Variants in AKT3 observed in about 807,000 individuals in gnomAD.
The protein encoded by AKT3 is RAC-gamma serine/threonine-protein kinase.
A neutral mutation model predicts 65.3 loss-of-function variants in AKT3; 15 were observed. The observed-to-expected ratio is 0.23, with a 90% CI of 0.15 to 0.35. AKT3 has a LOEUF of 0.35. Ranked by LOEUF, AKT3 falls within the 10% of genes least tolerant of loss-of-function variation. AKT3 has a pLI of 1.00. For synonymous variants in AKT3, 206 were observed against 183.8 expected, an observed-to-expected ratio of 1.12 and a Z score of -0.98; for missense variants, 243 against 576.5, an observed-to-expected ratio of 0.42 and a Z score of 5.92.
At chr1:243,812,779 A>G (rs1054440816) in intron 2 of AKT3, among the ~76,000 whole-genome samples, 3 of 152,168 alleles carry the variant, frequency 2.0e-5, no homozygotes, top group Non-Finnish European at 4.4e-5. Context: ...CCAAATGTCC[A>G]ACAATGATAG....
At chr1:243,642,381 C>T (rs531132195) in intron 5 of AKT3, among the ~76,000 whole-genome samples, 2 of 152,362 alleles carry the variant, frequency 1.3e-5, no homozygotes, top group South Asian at 4.1e-4. Context: ...ACGATCTCGG[C>T]TCACTGCAAG....
At chr1:243,700,093 G>T (rs1333665702) in intron 2 of AKT3, among the ~76,000 whole-genome samples, 2 of 152,070 alleles carry the variant, frequency 1.3e-5, no homozygotes, top group Non-Finnish European at 2.9e-5. Flanking sequence ...TTATTAATTT[G>T]TGACAGCAGT....
chr1:243,633,783 C>T (rs1362756332), intron 6 of AKT3, among the ~76,000 whole-genome samples: 2 of 152,038 alleles, frequency 1.3e-5, no homozygotes, highest in Admixed American at 1.3e-4. Context: ...CAGTCCTTAT[C>T]ACGACTCACT....
intron 6 of AKT3, among the ~76,000 whole-genome samples, chr1:243,636,422 AACCT>A (rs1679976471): frequency 6.6e-6 from 1 of 152,042 alleles, no homozygotes; most frequent in Admixed American, 6.6e-5. Context: ...TAAGCAGCAA[AACCT>A]ACCTGACATT....
intron 2 of AKT3, among the ~76,000 whole-genome samples, chr1:243,780,333 A>AT (rs1032464030): frequency 6.6e-6 from 1 of 152,170 alleles, no homozygotes; most frequent in East Asian, 1.9e-4. Context: ...ATTCAAGATT[A>AT]TTTTTTGTAG....
At chr1:243,607,515 C>A (rs1329632989) in intron 8 of AKT3, among the ~76,000 whole-genome samples, 2 of 152,222 alleles carry the variant, frequency 1.3e-5, no homozygotes, top group East Asian at 3.8e-4. Flanking sequence ...TGTATTTACC[C>A]AATGCCTGTA....
intron 2 of AKT3, among the ~76,000 whole-genome samples, chr1:243,706,238 G>C (rs985844360): frequency 1.3e-5 from 2 of 152,134 alleles, no homozygotes; most frequent in Non-Finnish European, 2.9e-5. Context: ...TGTCAGAAAA[G>C]CTCTCTCAAA....
In AKT3 at chr1:243,850,167, T is replaced by C. The variant is rs1170686683; in HGVS notation, c.-240A>G. 1.4e-4 allele frequency: 22 copies of C among 154,514 alleles called. No homozygotes were observed. In the South Asian group the frequency reaches 3.5e-3, roughly 24 times the overall value. The allele number at this position is 154,514 out of a possible 1,614,324, so 9.6% of individuals were successfully genotyped here. A position where few individuals can be genotyped will look rare whatever the true frequency, so the allele number is the denominator to read the frequency against. ...TCCCCCCTCCCTCCTCCTCCCCTCCTGTCCTCCCCCCACCCCACAGAGCCT... is the reference window on the plus strand; with the variant it reads ...TCCCCCCTCCCTCCTCCTCCCCTCCCGTCCTCCCCCCACCCCACAGAGCCT... On this transcript the variant is annotated 5_prime_UTR_variant, in exon 1 of 14. Coordinates refer to ENST00000673466, the MANE Select transcript of AKT3 (RefSeq NM_005465.7).
chr1:243,666,633 T>G (rs893156413), intron 3 of AKT3, among the ~76,000 whole-genome samples: 6 of 152,210 alleles, frequency 3.9e-5, no homozygotes, highest in Admixed American at 3.9e-4. Flanking sequence ...CTGGTACTAT[T>G]TGTCATTACA....
chr1:243,815,797 T>TGTTGTTGTTGTTGTTGTTGTA (rs973526143), intron 2 of AKT3, among the ~76,000 whole-genome samples: 63 of 151,610 alleles, frequency 4.2e-4, no homozygotes, highest in Non-Finnish European at 7.2e-4. Context: ...TTGTTGTTGT[T>TGTTGTTGTTGTTGTTGTTGTA]GTAGAGATGA....
chr1:243,501,286 T>TAAG lies in AKT3; in HGVS notation c.*3960_*3962dup, dbSNP rs1163373060. 1 of 233,150 alleles carries TAAG rather than the reference T, an allele frequency of 4.3e-6. No individual in the cohort carries two copies. The highest frequency in any genetic ancestry group is 2.2e-5 in the African/African-American group (1 of 45,464). 14.4% of individuals were successfully genotyped at this position (233,150 alleles called of 1,614,324 possible). On this transcript the variant is annotated 3_prime_UTR_variant, in exon 14 of 14. Coordinates refer to ENST00000673466, the MANE Select transcript of AKT3 (RefSeq NM_005465.7). ...CCTACCCATCTACATCACCCACGTCTAAGTTTGTTAATTTGCCATGACATG... is the reference window on the plus strand; with the variant it reads ...CCTACCCATCTACATCACCCACGTCTAAGAAGTTTGTTAATTTGCCATGACATG...
intron 3 of AKT3, among the ~76,000 whole-genome samples, chr1:243,694,886 G>A (rs1194144026): frequency 1.3e-5 from 2 of 151,758 alleles, no homozygotes; most frequent in South Asian, 2.1e-4. Flanking sequence ...TAATACAGAC[G>A]AGCTAGATCT....
chr1:243,659,775 A>C (rs1445479700), intron 4 of AKT3, among the ~76,000 whole-genome samples: 1 of 152,204 alleles, frequency 6.6e-6, no homozygotes, highest in Non-Finnish European at 1.5e-5. Flanking sequence ...GACAGGTAAA[A>C]ATTTTAGACT....
intron 11 of AKT3, among the ~76,000 whole-genome samples, chr1:243,549,602 T>C (rs927301684): frequency 1.3e-5 from 2 of 152,032 alleles, no homozygotes; most frequent in African/African-American, 4.8e-5. Flanking sequence ...ATTTTATTTT[T>C]TTTTAGTAGA....
chr1:243,651,540 T>C (rs1442199756), intron 4 of AKT3, among the ~76,000 whole-genome samples: 6 of 152,230 alleles, frequency 3.9e-5, no homozygotes, highest in South Asian at 2.1e-4. Context: ...TTGTCTTAAA[T>C]AGCTGTTATT....
downstream of AKT3, among the ~76,000 whole-genome samples, chr1:243,498,327 T>C (rs58294775): frequency 4.3e-3 from 653 of 152,318 alleles, 4 homozygotes; most frequent in African/African-American, 0.015. Flanking sequence ...GCATAGTGCA[T>C]GGGGTGGACT....
chr1:243,728,702 G>A (rs1177216005), intron 2 of AKT3, among the ~76,000 whole-genome samples: 1 of 152,052 alleles, frequency 6.6e-6, no homozygotes, highest in Non-Finnish European at 1.5e-5. Context: ...AAAATCTAAA[G>A]ACTTAATAAA....
At chr1:243,717,772 A>G (rs964857632) in intron 2 of AKT3, among the ~76,000 whole-genome samples, 1 of 152,182 alleles carries the variant, frequency 6.6e-6, no homozygotes, top group African/African-American at 2.4e-5. Flanking sequence ...AGATTCTAGT[A>G]TATTGGTGAT....
At chr1:243,606,341 C>T (rs1677414703) in intron 8 of AKT3, among the ~76,000 whole-genome samples, 1 of 152,170 alleles carries the variant, frequency 6.6e-6, no homozygotes, top group African/African-American at 2.4e-5. Flanking sequence ...ATAGCTTTGA[C>T]CAAAATGCTG....
Sources: allele counts gnomAD v4.1 joint callset (sites outside exome capture counted in the v4.1 genomes callset), GRCh38; gene constraint gnomAD v4.1.1; transcripts MANE v1.5; gene names NCBI Gene and HGNC (gene_info 2026-07-23, HGNC 2026-07-21).